The following SRBD1 variants were observed in gnomAD, a reference collection of about 807,000 sequenced individuals.
SRBD1 encodes the protein S1 RNA-binding domain-containing protein 1.
Under a neutral mutation model 115.3 loss-of-function variants are expected in SRBD1, and 88 were observed. That is an observed-to-expected ratio of 0.76 (90% CI 0.64 to 0.91). The LOEUF is 0.91. SRBD1 is among the 40% of genes least tolerant of loss of function. The pLI is 0.00. For missense variants in SRBD1, 1,385 were observed against 1,177.4 expected (o/e 1.18, Z -2.58); for synonymous variants, 509 against 407.7 (o/e 1.25, Z -2.99).
chr2:45,453,969 G>C (rs1669075657), intron 16 of SRBD1, among the ~76,000 whole-genome samples: 1 of 151,896 alleles, frequency 6.6e-6, no homozygotes. Context: ...ATCAAAATGT[G>C]AGTATTAAAT....
chr2:45,539,988 C>A (rs6544827), intron 14 of SRBD1, among the ~76,000 whole-genome samples: 1 of 151,880 alleles, frequency 6.6e-6, no homozygotes, highest in Admixed American at 6.6e-5. Context: ...AAAAAAGTGA[C>A]AGAATCATCA....
intron 9 of SRBD1, among the ~76,000 whole-genome samples, 171 bp downstream of exon 9, chr2:45,573,036 T>C (rs2104148861): frequency 6.6e-6 from 1 of 152,308 alleles, no homozygotes; most frequent in South Asian, 2.1e-4. Flanking sequence ...TCCGGGTCAT[T>C]ACTTCCCAAT....
At chr2:45,593,603 T>C (rs953639862) in intron 4 of SRBD1, among the ~76,000 whole-genome samples, 5 of 152,234 alleles carry the variant, frequency 3.3e-5, no homozygotes, top group Admixed American at 6.5e-5. Flanking sequence ...AAATAAACTA[T>C]AGCCTTAATC....
At chr2:45,453,179 C>T (rs1191139256) in intron 16 of SRBD1, among the ~76,000 whole-genome samples, 3 of 150,286 alleles carry the variant, frequency 2.0e-5, no homozygotes, top group Non-Finnish European at 4.4e-5. Flanking sequence ...TTGAGTTAGA[C>T]TTCCTGAAAA....
intron 19 of SRBD1, among the ~76,000 whole-genome samples, chr2:45,398,033 T>C (rs1190180880): frequency 6.6e-6 from 1 of 152,222 alleles, no homozygotes; most frequent in African/African-American, 2.4e-5. Context: ...CCCACAGAAC[T>C]ACCTGTTGTA....
rs1353374303 is a variant in SRBD1 at position 45,602,022 on chromosome 2, G to A, written c.142C>T (p.Pro48Ser). Residue 48 changes from proline (P) to serine (S), a missense_variant, in exon 3 of 21, where the codon CCC becomes TCC. By Grantham distance (74) the Pro-to-Ser change is moderately conservative. Transcript: ENST00000263736. ...GGAGGGGGCTGTTTACGGCTTCTGG[G>A]AACTTTCTTTTGGGGCTCCCAGGCA... ...DSAWEPQKKVPRSRKQPPPKE... is the reference protein window; with the variant it reads ...DSAWEPQKKVSRSRKQPPPKE... 4 of 1,614,136 alleles carry A rather than the reference G, an allele frequency of 2.5e-6. No homozygotes were observed. The highest frequency in any genetic ancestry group is 3.4e-6 in the Non-Finnish European group (4 of 1,180,024).
At chr2:45,466,270 G>A (rs979351326) in intron 16 of SRBD1, among the ~76,000 whole-genome samples, 1 of 152,036 alleles carries the variant, frequency 6.6e-6, no homozygotes. Flanking sequence ...CTCTTGCCGG[G>A]CACCTACTAC....
intron 7 of SRBD1, among the ~76,000 whole-genome samples, chr2:45,576,059 G>A (rs950345377): frequency 3.3e-5 from 5 of 152,006 alleles, no homozygotes; most frequent in Middle Eastern, 3.2e-3. Flanking sequence ...CCTGCCTCTC[G>A]TCACCCCTTC....
At chr2:45,518,330 T>G (rs1671182003) in intron 14 of SRBD1, among the ~76,000 whole-genome samples, 1 of 152,224 alleles carries the variant, frequency 6.6e-6, no homozygotes, top group African/African-American at 2.4e-5. Context: ...TACTGAATAT[T>G]TAAGTAATTA....
chr2:45,586,194 T>G (rs1317205392), intron 4 of SRBD1, among the ~76,000 whole-genome samples: 1 of 152,170 alleles, frequency 6.6e-6, no homozygotes, highest in South Asian at 2.1e-4. Context: ...TAAACAAACT[T>G]TGGCCCAGCA....
intron 16 of SRBD1, among the ~76,000 whole-genome samples, chr2:45,460,710 C>A (rs1282901217): frequency 2.0e-5 from 3 of 152,194 alleles, no homozygotes; most frequent in African/African-American, 7.2e-5. Context: ...AACACAAATT[C>A]TCTTTTAAAA....
intron 10 of SRBD1, among the ~76,000 whole-genome samples, chr2:45,562,267 G>A (rs554447150): frequency 1.1e-4 from 17 of 151,976 alleles, no homozygotes; most frequent in Admixed American, 5.2e-4. Context: ...TTGCTCTGTC[G>A]CCCAGGCTGG....
chr2:45,506,679 C>T (rs1398609388), intron 14 of SRBD1, among the ~76,000 whole-genome samples: 3 of 152,110 alleles, frequency 2.0e-5, no homozygotes, highest in Non-Finnish European at 4.4e-5. Flanking sequence ...TTCAGATCTT[C>T]TTCTAAGACC....
intron 14 of SRBD1, chr2:45,546,373 A>G: frequency 1.0e-6 from 1 of 983,570 alleles, no homozygotes; most frequent in South Asian, 4.7e-5. Flanking sequence ...TTGGGAGAAA[A>G]AGGCTAAGTT....
intron 16 of SRBD1, among the ~76,000 whole-genome samples, chr2:45,450,625 T>C (rs78778464): frequency 0.034 from 5,230 of 152,208 alleles, 313 homozygotes; most frequent in African/African-American, 0.12. Flanking sequence ...AGAATGACTA[T>C]ATACGTCAAT....
intron 14 of SRBD1, among the ~76,000 whole-genome samples, chr2:45,507,490 G>T (rs35086917): frequency 1.3e-5 from 2 of 151,920 alleles, no homozygotes; most frequent in South Asian, 4.2e-4. Flanking sequence ...GGCTGAGGCG[G>T]GTGTGGATCA....
intron 16 of SRBD1, among the ~76,000 whole-genome samples, chr2:45,437,243 G>C (rs534909675): frequency 2.0e-5 from 3 of 151,000 alleles, no homozygotes; most frequent in Middle Eastern, 3.4e-3. Flanking sequence ...GAGCTAATTA[G>C]ACCCAGAACA....
chr2:45,407,655 G>C (rs975145710), intron 19 of SRBD1, among the ~76,000 whole-genome samples: 12 of 152,084 alleles, frequency 7.9e-5, no homozygotes, highest in Admixed American at 2.0e-4. Context: ...AGAACACAAA[G>C]AATATGGGGA....
chr2:45,479,137 C>T (rs2103825741), intron 15 of SRBD1, among the ~76,000 whole-genome samples: 1 of 152,280 alleles, frequency 6.6e-6, no homozygotes, highest in East Asian at 1.9e-4. Flanking sequence ...GTCCTGACTG[C>T]TCCACCAACT....
Sources: allele counts gnomAD v4.1 joint callset (sites outside exome capture counted in the v4.1 genomes callset), GRCh38; gene constraint gnomAD v4.1.1; transcripts MANE v1.5; gene names NCBI Gene and HGNC (gene_info 2026-07-23, HGNC 2026-07-21).